The following NADSYN1 variants were observed in gnomAD, a reference collection of about 807,000 sequenced individuals.
NADSYN1 encodes the protein glutamine-dependent NAD(+) synthetase.
In NADSYN1, 80 loss-of-function variants were observed where a neutral mutation model predicts 99.3. The observed-to-expected ratio is 0.81, with a 90% CI of 0.67 to 0.97. NADSYN1 has a LOEUF of 0.97. NADSYN1 is among the 50% of genes least tolerant of loss of function. The pLI is 0.00. For synonymous variants in NADSYN1, 385 were observed against 372.1 expected, an observed-to-expected ratio of 1.03 and a Z score of -0.40; for missense variants, 859 against 948.5, an observed-to-expected ratio of 0.91 and a Z score of 1.24.
At chr11:71,464,230 G>T in intron 5 of NADSYN1, 88 bp downstream of exon 5, 1 of 1,033,404 alleles carries the variant, frequency 9.7e-7, no homozygotes. Context: ...GAGTGTTACC[G>T]GTGGAGGGTG....
intron 5 of NADSYN1, among the ~76,000 whole-genome samples, chr11:71,465,205 G>T (rs1949579576): frequency 6.6e-6 from 1 of 152,066 alleles, no homozygotes; most frequent in Non-Finnish European, 1.5e-5. Flanking sequence ...AACTGCGGGG[G>T]CCACTGCGGA....
chr11:71,458,655 G>A (rs2120396313), intron 3 of NADSYN1, 111 bp downstream of exon 3: 2 of 764,262 alleles, frequency 2.6e-6, no homozygotes, highest in East Asian at 2.5e-5. Context: ...TGTGTCCAGG[G>A]ATACGAAAGG....
chr11:71,484,651 G>A (rs999928846), intron 15 of NADSYN1: 6 of 690,580 alleles, frequency 8.7e-6, no homozygotes, highest in Non-Finnish European at 1.2e-5. Context: ...TAACAAGGAG[G>A]GGGTCTGTGT....
intron 5 of NADSYN1, among the ~76,000 whole-genome samples, chr11:71,467,588 G>A (rs550339509): frequency 2.0e-5 from 3 of 152,286 alleles, no homozygotes; most frequent in African/African-American, 4.8e-5. Context: ...ATAATAATGT[G>A]AATGAATAAC....
rs773449988 is a variant in NADSYN1, at chr11:71,483,066, A to G, written c.1319+49A>G. 6.2e-6 allele frequency: 10 copies of G among 1,605,504 alleles called. No homozygotes were observed. The Admixed American group carries it at 1.5e-4, about 24-fold the overall frequency. On this transcript the variant is annotated intron_variant, in intron 14 of 20. Coordinates refer to ENST00000319023, the MANE Select transcript of NADSYN1 (RefSeq NM_018161.5). The stretch of plus-strand genomic sequence containing the variant: ...GCATGGCAGGTGGCTGACAGAGCTC[A>G]GAGTCACTGGAAGCTCCGCCTGTGA...
chr11:71,481,762 C>T (rs769739361), intron 12 of NADSYN1, 161 bp from the exon 13 acceptor site: 46 of 631,842 alleles, frequency 7.3e-5, no homozygotes, highest in Non-Finnish European at 1.2e-4. Flanking sequence ...ATCCATTCAT[C>T]CTGCCACGTG....
chr11:71,481,058 T>A (rs1441279362), intron 11 of NADSYN1, 179 bp downstream of exon 11: 1 of 847,548 alleles, frequency 1.2e-6, no homozygotes, highest in African/African-American at 1.7e-5. Flanking sequence ...CCCCTGGGTG[T>A]GACCCCCAGC....
chr11:71,472,659 A>AG (rs1949635144), intron 6 of NADSYN1, among the ~76,000 whole-genome samples, 159 bp downstream of exon 6: 1 of 152,158 alleles, frequency 6.6e-6, no homozygotes, highest in African/African-American at 2.4e-5. Context: ...TCCTATAGTG[A>AG]GGGGGGCTGC....
Position 71,458,452 on chromosome 11 carries a change from T to C in NADSYN1, c.171T>C (p.Tyr57=). 6.2e-7 allele frequency: 1 copy of C among 1,613,962 alleles called. No homozygotes were observed. Among genetic ancestry groups the C allele is most frequent in the Non-Finnish European group, 8.5e-7 (1 of 1,179,836 alleles). The change falls in exon 3 of 21, where the codon TAT becomes TAC. Residue 57 remains tyrosine (Y), a synonymous_variant. Transcript: ENST00000319023. ...GCGGCTACGGATGTTGGGATCATTA[T>C]TACGAGTCGGACACCCTCTTGCACT... The part of the protein sequence containing the change: ...EICGYGCWDH[Y]YESDTLLHSF...
At chr11:71,489,478 C>T (rs1949765244) in intron 16 of NADSYN1, among the ~76,000 whole-genome samples, 1 of 152,176 alleles carries the variant, frequency 6.6e-6, no homozygotes, top group South Asian at 2.1e-4. Flanking sequence ...GCGGGATTTC[C>T]CCAGACTGTG....
At chr11:71,481,212 G>A (rs749907926) in intron 11 of NADSYN1, 144 bp from the exon 12 acceptor site, 5 of 804,292 alleles carry the variant, frequency 6.2e-6, no homozygotes, top group African/African-American at 1.7e-5. Flanking sequence ...CCCTTCTCAC[G>A]AGGTGCCTAA....
At chr11:71,463,105 A>T (rs760989031) in intron 3 of NADSYN1, among the ~76,000 whole-genome samples, 1 of 152,094 alleles carries the variant, frequency 6.6e-6, no homozygotes, top group African/African-American at 2.4e-5. Context: ...AGCATAAGGC[A>T]ATTTGGAAGG....
At chr11:71,474,555 G>A (rs1369556619) in intron 9 of NADSYN1, 29 bp downstream of exon 9, 1 of 1,613,658 alleles carries the variant, frequency 6.2e-7, no homozygotes, top group South Asian at 1.1e-5. Flanking sequence ...CATGCCTGGG[G>A]GAGGGTTCTC....
Position 71,497,556 on chromosome 11 carries a change from A to G in NADSYN1, c.1838A>G (p.Tyr613Cys). The G allele has an allele frequency of 6.2e-7, 1 of 1,614,174 alleles. No individual in the cohort carries two copies. Among genetic ancestry groups the G allele is most frequent in the Non-Finnish European group, 8.5e-7 (1 of 1,180,028 alleles). The change falls in exon 19 of 21, where the codon TAC (tyrosine) becomes TGC (cysteine). Residue 613 changes from tyrosine (Y) to cysteine (C), a missense_variant. Tyr to Cys is a radical substitution (Grantham distance 194). Transcript: ENST00000319023. ...AGGAAGGTGGCCAAGATGGGGCCCTACAGCATGTTCTGCAAACTCCTCGGC... is the reference window on the plus strand; with the variant it reads ...AGGAAGGTGGCCAAGATGGGGCCCTGCAGCATGTTCTGCAAACTCCTCGGC... The part of the protein sequence containing the change: ...KLRKVAKMGP[Y>C]SMFCKLLGMW...
intron 11 of NADSYN1, 110 bp from the exon 12 acceptor site, chr11:71,481,246 C>T: frequency 9.1e-7 from 1 of 1,101,024 alleles, no homozygotes. Context: ...GTCCTGAGAG[C>T]CCAGCGTTGA....
At chr11:71,473,471 TGGGC>T in intron 7 of NADSYN1, 94 bp from the exon 8 acceptor site, 1 of 1,532,368 alleles carries the variant, frequency 6.5e-7, no homozygotes, top group African/African-American at 1.4e-5. Flanking sequence ...GCCGTGGCCG[TGGGC>T]TGGGAGCTGC....
intron 12 of NADSYN1, 28 bp downstream of exon 12, chr11:71,481,432 A>G (rs750221204): frequency 1.2e-6 from 2 of 1,609,764 alleles, no homozygotes; most frequent in African/African-American, 1.3e-5. Flanking sequence ...TAGTGAGCCC[A>G]CTTTGCTTGT....
At position 71,482,986 on chromosome 11, in the gene NADSYN1, C is replaced by T. The variant is rs149234649; in HGVS notation, c.1288C>T (p.Arg430Trp). The stretch of plus-strand genomic sequence containing the variant: ...GAACTCCTCCCAGGAGACGTGCACC[C>T]GGGCCAGAGAGTTGGCCCAGCAGAT... The part of the protein sequence containing the change: ...SKNSSQETCT[R>W]ARELAQQIGS... Residue 430 changes from arginine (R) to tryptophan (W), a missense_variant, in exon 14 of 21, where the codon CGG (arginine) becomes TGG (tryptophan). Coordinates refer to ENST00000319023, the MANE Select transcript of NADSYN1 (RefSeq NM_018161.5). The T allele has an allele frequency of 1.9e-4, 310 of 1,612,414 alleles. 1 individual carries two copies. The highest frequency in any genetic ancestry group is 7.6e-4 in the Middle Eastern group (4 of 5,250).
At chr11:71,455,974 G>T (rs1218025459) in intron 2 of NADSYN1, among the ~76,000 whole-genome samples, 1 of 152,236 alleles carries the variant, frequency 6.6e-6, no homozygotes. Context: ...TAGCCACGTT[G>T]TAAGTCTCTT....
Sources: allele counts gnomAD v4.1 joint callset (sites outside exome capture counted in the v4.1 genomes callset), GRCh38; gene constraint gnomAD v4.1.1; transcripts MANE v1.5; gene names NCBI Gene and HGNC (gene_info 2026-07-23, HGNC 2026-07-21).